Variants in RBM14 observed in about 807,000 individuals in gnomAD.
RBM14 encodes the protein RNA binding motif protein 14, also known as RNA-binding protein 14.
Under a neutral mutation model 52.8 loss-of-function variants are expected in RBM14, and 5 were observed. The ratio of observed to expected loss-of-function variants is 0.09; its 90% confidence interval spans 0.05 to 0.20. The LOEUF (loss-of-function observed/expected upper bound fraction) is 0.20. Among genes scored for constraint, RBM14 ranks in the 10% least tolerant of loss-of-function variants. The probability of loss-of-function intolerance (pLI) is 1.00; values close to 1 mark genes in which losing one functional copy is unlikely to be tolerated. For synonymous variants in RBM14, 411 were observed against 401.8 expected, an observed-to-expected ratio of 1.02 and a Z score of -0.28; for missense variants, 780 against 926.6, an observed-to-expected ratio of 0.84 and a Z score of 2.05.
In RBM14 at chr11:66,626,747, T is replaced by A; in HGVS notation, c.*79T>A. 7.5e-7 allele frequency: 1 copy of A among 1,336,038 alleles called. No individual in the cohort carries two copies. The highest frequency in any genetic ancestry group is 1.0e-6 in the Non-Finnish European group (1 of 986,900). The allele number at this position is 1,336,038 out of a possible 1,614,324, so 82.8% of individuals were successfully genotyped here. On this transcript the variant is annotated 3_prime_UTR_variant, in exon 3 of 3. Transcript: ENST00000310137. ...GGTTACAGATCCAGGTTATAACTACTCTGGCCCATACCTTTCCTGGTTGTG... is the reference window on the plus strand; with the variant it reads ...GGTTACAGATCCAGGTTATAACTACACTGGCCCATACCTTTCCTGGTTGTG...
intron 1 of RBM14, chr11:66,623,945 C>T: frequency 2.8e-6 from 2 of 722,764 alleles, no homozygotes; most frequent in Admixed American, 2.0e-5. Context: ...ATCTTTGCTC[C>T]TTCTTCTCTC....
chr11:66,620,695 G>C (rs1295623889), intron 1 of RBM14, among the ~76,000 whole-genome samples: 1 of 152,092 alleles, frequency 6.6e-6, no homozygotes, highest in Non-Finnish European at 1.5e-5. Context: ...TTCACCACTT[G>C]GTCTGAATAA....
rs1433426389 is a variant in RBM14, at chr11:66,625,702, G to A, written c.1802+24G>A. On this transcript the variant is annotated intron_variant, in intron 2 of 2. Coordinates refer to ENST00000310137, the MANE Select transcript of RBM14 (RefSeq NM_006328.4). This position sits in a 1 kb window ranked among gnomAD's most constrained non-coding sequence, Gnocchi z 4.2. ...AGGTACTGTATGCCCCCCCGCCTCT[G>A]CCCCCAGCTGGGGCTTAGGGCAAGG... 6.5e-7 allele frequency: 1 copy of A among 1,542,632 alleles called. No homozygotes were observed. The highest frequency in any genetic ancestry group is 2.3e-5 in the East Asian group (1 of 44,202).
At position 66,627,787 on chromosome 11, in the gene RBM14, T is replaced by TG. The variant is rs1465406075; in HGVS notation, c.*1123dup. On this transcript the variant is annotated 3_prime_UTR_variant, in exon 3 of 3. Transcript: ENST00000310137. ...TTAGGCAGTAGGCTGGAATGAGTGCTGGGGCTGGGACCCAGAAAGGAACCA... is the reference window on the plus strand; with the variant it reads ...TTAGGCAGTAGGCTGGAATGAGTGCTGGGGGCTGGGACCCAGAAAGGAACCA... Among the ~76,000 whole-genome samples the TG allele has an allele frequency of 3.9e-5, 6 of 152,202 alleles. No homozygotes were observed. The highest frequency in any genetic ancestry group is 3.3e-4 in the Admixed American group (5 of 15,278).
chr11:66,622,196 G>A (rs368063917), intron 1 of RBM14, among the ~76,000 whole-genome samples: 1 of 151,272 alleles, frequency 6.6e-6, no homozygotes, highest in East Asian at 1.9e-4. Flanking sequence ...GATTACATGC[G>A]TGAGCCACCG....
chr11:66,617,601 G>C, intron 1 of RBM14: 1 of 982,080 alleles, frequency 1.0e-6, no homozygotes, highest in Non-Finnish European at 1.2e-6. Context: ...AGTCTTGTCT[G>C]GCATGGGTCT....
At chr11:66,617,100 ACT>A (rs68002554) in intron 1 of RBM14, 43 bp downstream of exon 1, 79,007 of 1,539,732 alleles carry the variant, frequency 0.051, 2,455 homozygotes, top group Non-Finnish European at 0.062. Flanking sequence ...CGCTCGGGGC[ACT>A]CTGCCTGTTA....
At chr11:66,621,320 G>T (rs545267426) in intron 1 of RBM14, among the ~76,000 whole-genome samples, 1 of 152,174 alleles carries the variant, frequency 6.6e-6, no homozygotes, top group South Asian at 2.1e-4. Context: ...CTTTTCACAG[G>T]TGGTAGATAA....
chr11:66,629,531 C>T lies in RBM14; in HGVS notation c.*2863C>T, dbSNP rs559536327. Among the ~76,000 whole-genome samples, 15 of 152,288 alleles carry T rather than the reference C, an allele frequency of 9.8e-5. No individual in the cohort carries two copies. The highest frequency in any genetic ancestry group is 7.7e-4 in the East Asian group (4 of 5,184). ...TAAATTCTGCCACAGTCTGCACAGA[C>T]GGTTGGTCCTCCAGGCATATTGTCC... On this transcript the variant is annotated 3_prime_UTR_variant, in exon 3 of 3. Coordinates refer to ENST00000310137, the MANE Select transcript of RBM14 (RefSeq NM_006328.4).
rs1291036078 is a variant in RBM14, at chr11:66,629,330, A to T, written c.*2662A>T. ...GAAGTTTTAGTTGGCTTATTCCTGG[A>T]ACAAGACCACCTAGAGGCTTTTAGC... On this transcript the variant is annotated 3_prime_UTR_variant, in exon 3 of 3. Coordinates refer to ENST00000310137, the MANE Select transcript of RBM14 (RefSeq NM_006328.4). Among the ~76,000 whole-genome samples, 1 of 152,188 alleles carries T rather than the reference A, an allele frequency of 6.6e-6. No individual in the cohort carries two copies. Among genetic ancestry groups the T allele is most frequent in the Non-Finnish European group, 1.5e-5 (1 of 68,020 alleles).
At chr11:66,621,690 T>C (rs1007740716) in intron 1 of RBM14, among the ~76,000 whole-genome samples, 7 of 152,196 alleles carry the variant, frequency 4.6e-5, no homozygotes, top group African/African-American at 1.7e-4. Flanking sequence ...TTGTGTTCTT[T>C]TATCGTCTGT....
In RBM14 at chr11:66,616,857, C is replaced by T; in HGVS notation, c.137C>T (p.Ala46Val). 6.2e-7 allele frequency: 1 copy of T among 1,612,336 alleles called. No homozygotes were observed. Among genetic ancestry groups the T allele is most frequent in the Non-Finnish European group, 8.5e-7 (1 of 1,179,524 alleles). Reference protein sequence around the residue: ...QFAFVHMRENAGALRAIEALH... With the variant: ...QFAFVHMRENVGALRAIEALH... ...GCCTTCGTGCACATGCGCGAGAACG[C>T]GGGCGCGCTGCGCGCCATCGAAGCC... Residue 46 changes from alanine (A) to valine (V), a missense_variant, in exon 1 of 3, where the codon GCG becomes GTG. Transcript: ENST00000310137.
chr11:66,616,668 C>A lies in RBM14; in HGVS notation c.-53C>A, dbSNP rs1026115625. ...ACTGCCGGTCGTTCGGACGTCTTGCCTGTCGCTGGAGGAGAGGTCCGGGCT... is the reference window on the plus strand; with the variant it reads ...ACTGCCGGTCGTTCGGACGTCTTGCATGTCGCTGGAGGAGAGGTCCGGGCT... On this transcript the variant is annotated 5_prime_UTR_variant, in exon 1 of 3. It adds an upstream start codon to the 5' untranslated region. Transcript: ENST00000310137. 1 of 1,522,256 alleles carries A rather than the reference C, an allele frequency of 6.6e-7. No individual in the cohort carries two copies. The highest frequency in any genetic ancestry group is 8.8e-7 in the Non-Finnish European group (1 of 1,133,092). 94.3% of individuals were successfully genotyped at this position (1,522,256 alleles called of 1,614,324 possible). A position where few individuals can be genotyped will look rare whatever the true frequency, so the allele number is the denominator to read the frequency against.
rs1487674345 is a variant in RBM14 at position 66,629,540 on chromosome 11, C to T, written c.*2872C>T. On this transcript the variant is annotated 3_prime_UTR_variant, in exon 3 of 3. Coordinates refer to ENST00000310137, the MANE Select transcript of RBM14 (RefSeq NM_006328.4). ...CCACAGTCTGCACAGACGGTTGGTC[C>T]TCCAGGCATATTGTCCTATTAAGCC... Among the ~76,000 whole-genome samples the T allele has an allele frequency of 6.6e-6, 1 of 152,216 alleles. No individual in the cohort carries two copies.
chr11:66,622,492 C>T (rs987327334), intron 1 of RBM14, among the ~76,000 whole-genome samples: 6 of 152,164 alleles, frequency 3.9e-5, no homozygotes, highest in Non-Finnish European at 7.3e-5. Context: ...CCTTGGCCTC[C>T]CAAAGCCCTG....
chr11:66,617,040 A>C lies in RBM14; in HGVS notation c.320A>C (p.Glu107Ala), dbSNP rs1356546086. Residue 107 changes from glutamate (E) to alanine (A), a missense_variant, in exon 1 of 3, where the codon GAG (glutamate) becomes GCG (alanine). Transcript: ENST00000310137. ...TTCGAGCGCCGCGGACGCGTCATCGAGTGTGACGTGGTGAAAGGTAACGCG... is the reference window on the plus strand; with the variant it reads ...TTCGAGCGCCGCGGACGCGTCATCGCGTGTGACGTGGTGAAAGGTAACGCG... Reference protein sequence around the residue: ...SLFERRGRVIECDVVKDYAFV... With the variant: ...SLFERRGRVIACDVVKDYAFV... 1 of 1,595,206 alleles carries C rather than the reference A, an allele frequency of 6.3e-7. No homozygotes were observed. Among genetic ancestry groups the C allele is most frequent in the Non-Finnish European group, 8.6e-7 (1 of 1,168,504 alleles).
rs752708372 is a variant in RBM14, at chr11:66,625,263, G to A, written c.1387G>A (p.Ala463Thr). 9.9e-6 allele frequency: 16 copies of A among 1,612,532 alleles called. No homozygotes were observed. The Admixed American group carries it at 2.5e-4, about 25-fold the overall frequency. The change falls in exon 2 of 3, where the codon GCC becomes ACC. Residue 463 changes from alanine (A) to threonine (T), a missense_variant. Coordinates refer to ENST00000310137, the MANE Select transcript of RBM14 (RefSeq NM_006328.4). The surrounding 1 kb of genome is among the most constrained non-coding windows in gnomAD (Gnocchi z 4.2). ...ATTPMAGSYG[A>T]QPVVQTQLNS... ...TACCCCAATGGCTGGCTCCTATGGG[G>A]CCCAGCCGGTTGTGCAGACCCAGCT...
intron 1 of RBM14, among the ~76,000 whole-genome samples, chr11:66,620,203 CT>C (rs1245006114): frequency 1.3e-5 from 2 of 152,196 alleles, no homozygotes; most frequent in Admixed American, 6.5e-5. Flanking sequence ...CCTATTCACA[CT>C]TTTCCCCTCC....
rs996856533 is a variant in RBM14 at position 66,629,407 on chromosome 11, A to T, written c.*2739A>T. Reference sequence around the variant, plus strand: ...TTGGACCTTGTTTTAAATTGTGTGCATGGTGGGCTTGAGACTCTCTTGTAA... The same window carrying T: ...TTGGACCTTGTTTTAAATTGTGTGCTTGGTGGGCTTGAGACTCTCTTGTAA... On this transcript the variant is annotated 3_prime_UTR_variant, in exon 3 of 3. Transcript: ENST00000310137. 6.6e-6 allele frequency among the ~76,000 whole-genome samples: 1 copy of T among 152,176 alleles called. No homozygotes were observed. The highest frequency in any genetic ancestry group is 1.5e-5 in the Non-Finnish European group (1 of 68,038).
Sources: gnomAD v4.1 joint callset for allele counts (sites outside exome capture counted in the v4.1 genomes callset) on GRCh38, gnomAD v4.1.1 for gene constraint, Gnocchi (gnomAD v3.1) non-coding constraint, MANE v1.5 for transcripts, NCBI Gene and HGNC (gene_info 2026-07-23, HGNC 2026-07-21) for gene names.